Variants in COL24A1 observed in about 807,000 individuals in gnomAD.
COL24A1 encodes the protein collagen type XXIV alpha 1 chain, also known as collagen alpha-1(XXIV) chain.
Under a neutral mutation model 253.9 loss-of-function variants are expected in COL24A1, and 224 were observed. The ratio of observed to expected loss-of-function variants is 0.88; its 90% CI spans 0.79 to 0.99. COL24A1 has a LOEUF of 0.99. COL24A1 is among the 50% of genes least tolerant of loss of function. The pLI is 0.00. For missense variants in COL24A1, 2,131 were observed against 2,068.5 expected (o/e 1.03, Z -0.59); for synonymous variants, 685 against 673.7 (o/e 1.02, Z -0.26).
intron 55 of COL24A1, among the ~76,000 whole-genome samples, chr1:85,746,568 C>A (rs1030697012): frequency 6.6e-6 from 1 of 152,096 alleles, no homozygotes; most frequent in South Asian, 2.1e-4. Context: ...AAGAAAAGTG[C>A]ACGAAACTAT....
chr1:85,874,660 G>T lies in COL24A1; in HGVS notation c.3127C>A (p.Pro1043Thr). The change falls in exon 35 of 60, where the codon CCA becomes ACA. Residue 1043 changes from proline to threonine, a missense_variant. Pro to Thr is a conservative substitution (Grantham distance 38). Transcript: ENST00000370571. ...TAGSVGGTGE[P>T]GLRGEPGAPG... Reference sequence around the variant, plus strand: ...AAGGGGGCACTCACCCGTAAACCTGGTTCCCCAGTTCCTCCAACACTGCCA... The same window carrying T: ...AAGGGGGCACTCACCCGTAAACCTGTTTCCCCAGTTCCTCCAACACTGCCA... The T allele has an allele frequency of 1.9e-6, 3 of 1,612,560 alleles. No homozygotes were observed. The highest frequency in any genetic ancestry group is 2.5e-6 in the Non-Finnish European group (3 of 1,179,936).
chr1:85,850,570 T>G (rs1362186450), intron 37 of COL24A1, among the ~76,000 whole-genome samples: 1 of 152,170 alleles, frequency 6.6e-6, no homozygotes, highest in Non-Finnish European at 1.5e-5. Context: ...AGGACTTCTT[T>G]GAAGTTAATG....
At chr1:86,120,834 C>T (rs1647229877) in intron 3 of COL24A1, among the ~76,000 whole-genome samples, 1 of 152,152 alleles carries the variant, frequency 6.6e-6, no homozygotes, top group African/African-American at 2.4e-5. Flanking sequence ...TATAAAGACA[C>T]ATGCACATGT....
rs533279139 is a variant in COL24A1 at position 86,126,054 on chromosome 1, G to T, written c.282C>A (p.Phe94Leu). 5.0e-6 allele frequency: 8 copies of T among 1,613,520 alleles called. No homozygotes were observed. The highest frequency in any genetic ancestry group is 3.3e-5 in the Admixed American group (2 of 59,854). The change falls in exon 3 of 60, where the codon TTC becomes TTA. Residue 94 changes from phenylalanine to leucine, a missense_variant. Transcript: ENST00000370571. The stretch of plus-strand genomic sequence containing the variant: ...CCAAGTTGACTGGTAAAATTTTCAC[G>T]AAAGGTGTCTCGATATAAGCATCAT... ...FKNDAYIETP[F>L]VKILPVNLGQ...
chr1:85,892,413 A>G (rs1216862236), intron 31 of COL24A1, among the ~76,000 whole-genome samples: 3 of 152,078 alleles, frequency 2.0e-5, no homozygotes, highest in Non-Finnish European at 2.9e-5. Flanking sequence ...AAGACATTTT[A>G]TAAACAAAAA....
At chr1:86,062,605 G>C (rs1701172956) in intron 8 of COL24A1, among the ~76,000 whole-genome samples, 1 of 151,994 alleles carries the variant, frequency 6.6e-6, no homozygotes, top group Non-Finnish European at 1.5e-5. Flanking sequence ...TGAAGTATCA[G>C]GTTTCCTCCA....
At chr1:85,870,100 G>A (rs1025869672) in intron 35 of COL24A1, among the ~76,000 whole-genome samples, 4 of 152,102 alleles carry the variant, frequency 2.6e-5, no homozygotes, top group South Asian at 2.1e-4. Flanking sequence ...GAGACAAAGA[G>A]GGCCATTACA....
chr1:86,078,918 T>C (rs1702438261), intron 7 of COL24A1, among the ~76,000 whole-genome samples: 1 of 152,110 alleles, frequency 6.6e-6, no homozygotes, highest in African/African-American at 2.4e-5. Flanking sequence ...TGTATCAAAA[T>C]ACCAGTAATA....
At chr1:85,735,089 T>G (rs1663909583) in intron 58 of COL24A1, 125 bp from the exon 59 acceptor site, 1 of 770,318 alleles carries the variant, frequency 1.3e-6, no homozygotes. Context: ...GGAACTGAAG[T>G]GCCAGTCAGT....
At chr1:85,743,944 C>G (rs146752073) in intron 57 of COL24A1, among the ~76,000 whole-genome samples, 193 of 151,628 alleles carry the variant, frequency 1.3e-3, no homozygotes, top group Non-Finnish European at 2.1e-3. Flanking sequence ...TATGTACAAA[C>G]AAAATTAAAA....
At chr1:85,790,518 T>G (rs1670167646) in intron 47 of COL24A1, among the ~76,000 whole-genome samples, 1 of 152,156 alleles carries the variant, frequency 6.6e-6, no homozygotes, top group African/African-American at 2.4e-5. Flanking sequence ...ATTCGTTGAT[T>G]TTTTGAAGGG....
At chr1:85,925,428 C>A (rs1229324943) in intron 24 of COL24A1, among the ~76,000 whole-genome samples, 1 of 152,138 alleles carries the variant, frequency 6.6e-6, no homozygotes, top group Non-Finnish European at 1.5e-5. Context: ...AACTATACTA[C>A]AAGGCTACAG....
At chr1:86,069,058 C>T (rs1336118094) in intron 7 of COL24A1, among the ~76,000 whole-genome samples, 1 of 152,046 alleles carries the variant, frequency 6.6e-6, no homozygotes, top group South Asian at 2.1e-4. Flanking sequence ...GTGGTGGTCA[C>T]AGTGAAAGAC....
intron 43 of COL24A1, among the ~76,000 whole-genome samples, chr1:85,837,255 A>G (rs113724877): frequency 6.6e-5 from 10 of 152,320 alleles, no homozygotes; most frequent in African/African-American, 2.2e-4. Flanking sequence ...TGTTTCTTTG[A>G]AAACAGAAAA....
In COL24A1 at chr1:85,941,376, A is replaced by T. The variant is rs532367058; in HGVS notation, c.2562+19873T>A. On this transcript the variant is annotated intron_variant, in intron 24 of 59. Coordinates refer to ENST00000370571, the MANE Select transcript of COL24A1 (RefSeq NM_152890.7). ...TCTAACTACAAATGAGGAAAATAGC[A>T]GCATGGTATGGAGGATTATTAGTCT... is the stretch of plus-strand genomic sequence containing the variant. Among the ~76,000 whole-genome samples, 6 of 152,242 alleles carry T rather than the reference A, an allele frequency of 3.9e-5. No homozygotes were observed. In the South Asian group the frequency reaches 1.2e-3, roughly 32 times the overall value.
chr1:86,085,415 T>G (rs1044259835), intron 7 of COL24A1, among the ~76,000 whole-genome samples: 4 of 152,192 alleles, frequency 2.6e-5, no homozygotes, highest in Non-Finnish European at 4.4e-5. Flanking sequence ...TTTATAAAAA[T>G]TTGTTTTAAA....
Position 86,057,925 on chromosome 1 carries a change from A to G in COL24A1, c.1851+6T>C, listed in dbSNP as rs1215673075. 3 of 1,612,076 alleles carry G rather than the reference A, an allele frequency of 1.9e-6. No homozygotes were observed. The highest frequency in any genetic ancestry group is 2.5e-6 in the Non-Finnish European group (3 of 1,178,946). On this transcript the variant is annotated splice_donor_region_variant and intron_variant, in intron 10 of 59. Coordinates refer to ENST00000370571, the MANE Select transcript of COL24A1 (RefSeq NM_152890.7). ...GCTTAACAGAATGATGGAAATGCCTACTTACTTGTGCACCTTTAGGACCTG... is the reference window on the plus strand; with the variant it reads ...GCTTAACAGAATGATGGAAATGCCTGCTTACTTGTGCACCTTTAGGACCTG...
At chr1:85,744,602 C>A (rs560910063) in intron 57 of COL24A1, 64 bp downstream of exon 57, 1 of 1,391,450 alleles carries the variant, frequency 7.2e-7, no homozygotes, top group African/African-American at 1.4e-5. Context: ...CATTACAAAT[C>A]TCAAACACAC....
At chr1:85,840,810 T>G (rs1056026429) in intron 42 of COL24A1, among the ~76,000 whole-genome samples, 8 of 152,134 alleles carry the variant, frequency 5.3e-5, no homozygotes, top group Admixed American at 2.6e-4. Flanking sequence ...TGAAATCACT[T>G]GGCAACTGTG....
Sources: allele counts gnomAD v4.1 joint callset (sites outside exome capture counted in the v4.1 genomes callset), GRCh38; gene constraint gnomAD v4.1.1; transcripts MANE v1.5; gene names NCBI Gene and HGNC (gene_info 2026-07-23, HGNC 2026-07-21).